Variants in CHRM5 observed in about 807,000 individuals in gnomAD.
The protein encoded by CHRM5 is muscarinic acetylcholine receptor M5.
CHRM5 carries 18 observed loss-of-function variants against 39.0 expected under a neutral mutation model. The observed-to-expected ratio is 0.46, with a 90% CI of 0.32 to 0.68. The LOEUF (loss-of-function observed/expected upper bound fraction) is 0.68, where lower values mean the gene tolerates loss of function less well. Among genes scored for constraint, CHRM5 ranks in the 30% least tolerant of loss-of-function variants. The pLI is 0.04. For synonymous variants in CHRM5, 241 were observed against 246.3 expected (o/e 0.98, Z 0.20); for missense variants, 515 against 651.1 (o/e 0.79, Z 2.28).
intron 1 of CHRM5, among the ~76,000 whole-genome samples, chr15:34,015,688 A>G (rs1567468415): frequency 6.6e-6 from 1 of 152,298 alleles, no homozygotes; most frequent in African/African-American, 2.4e-5. Context: ...AAAAGTGGGT[A>G]GAGAGACTCT....
At chr15:33,989,567 C>T (rs1347416251) in intron 1 of CHRM5, among the ~76,000 whole-genome samples, 1 of 152,108 alleles carries the variant, frequency 6.6e-6, no homozygotes, top group Non-Finnish European at 1.5e-5. Context: ...AGGCACACTA[C>T]TGAAAAGATG....
In CHRM5 at chr15:34,017,484, G is replaced by GTTT. The variant is rs60119659; in HGVS notation, c.-407-29042_-407-29040dup. Among the ~76,000 whole-genome samples the GTTT allele has an allele frequency of 5.9e-3, 628 of 107,326 alleles. 18 individuals are homozygous for GTTT. The highest frequency in any genetic ancestry group is 0.018 in the African/African-American group (564 of 31,688). The allele number at this position is 107,326 out of a possible 152,430, so 70.4% of individuals were successfully genotyped here. A position where few individuals can be genotyped will look rare whatever the true frequency, so the allele number is the denominator to read the frequency against. On this transcript the variant is annotated intron_variant, in intron 1 of 2. Coordinates refer to ENST00000383263, the MANE Select transcript of CHRM5 (RefSeq NM_012125.4). The stretch of plus-strand genomic sequence containing the variant: ...GTGATTTCAGTATGATTTTTTTTTT[G>GTTT]TTTTTTTTTTTTTTTTGAGACAGGG...
rs571673063 is a variant in CHRM5, at chr15:34,061,742, G to A, written c.-75-901G>A. ...GCAAATAGTTCAGGAACAGAGAGAAGGTCCTTATCTTCAGCAGCTGGGGCA... is the reference window on the plus strand; with the variant it reads ...GCAAATAGTTCAGGAACAGAGAGAAAGTCCTTATCTTCAGCAGCTGGGGCA... On this transcript the variant is annotated intron_variant, in intron 2 of 2. Coordinates refer to ENST00000383263, the MANE Select transcript of CHRM5 (RefSeq NM_012125.4). Among the ~76,000 whole-genome samples the A allele has an allele frequency of 2.1e-3, 326 of 152,244 alleles. 1 individual carries two copies. Among genetic ancestry groups the A allele is most frequent in the African/African-American group, 7.4e-3 (307 of 41,544 alleles).
chr15:34,016,662 T>C (rs1159015628), intron 1 of CHRM5, among the ~76,000 whole-genome samples: 1 of 152,232 alleles, frequency 6.6e-6, no homozygotes, highest in East Asian at 1.9e-4. Context: ...CCTGCTTGTA[T>C]GCTATGGAGT....
At chr15:34,003,871 C>A (rs996997157) in intron 1 of CHRM5, among the ~76,000 whole-genome samples, 2 of 152,124 alleles carry the variant, frequency 1.3e-5, no homozygotes, top group African/African-American at 4.8e-5. Flanking sequence ...CATGTTATGA[C>A]CAGAACCATC....
chr15:34,016,615 C>G (rs1897924673), intron 1 of CHRM5, among the ~76,000 whole-genome samples: 1 of 152,160 alleles, frequency 6.6e-6, no homozygotes, highest in Non-Finnish European at 1.5e-5. Context: ...ATCCAGTCAA[C>G]AAACTTTTCT....
At chr15:33,983,427 G>C (rs1333433452) in intron 1 of CHRM5, among the ~76,000 whole-genome samples, 1 of 151,776 alleles carries the variant, frequency 6.6e-6, no homozygotes, top group African/African-American at 2.4e-5. Context: ...TGACAGAAGG[G>C]TCAATGACAC....
intron 1 of CHRM5, among the ~76,000 whole-genome samples, chr15:33,978,921 G>A (rs868669344): frequency 1.3e-5 from 1 of 79,120 alleles, no homozygotes; most frequent in Non-Finnish European, 3.6e-5. Context: ...AGAGATGTAT[G>A]TCCATGCCAG....
At chr15:33,994,310 C>T (rs1482832325) in intron 1 of CHRM5, among the ~76,000 whole-genome samples, 1 of 152,224 alleles carries the variant, frequency 6.6e-6, no homozygotes, top group Non-Finnish European at 1.5e-5. Flanking sequence ...TTATGAGAAT[C>T]TAAGGCCTGA....
intron 1 of CHRM5, among the ~76,000 whole-genome samples, chr15:33,978,180 T>C (rs540050615): frequency 1.3e-5 from 2 of 152,270 alleles, no homozygotes; most frequent in East Asian, 1.9e-4. Context: ...AATTTCTCTC[T>C]AGGCAGAACC....
intron 2 of CHRM5, among the ~76,000 whole-genome samples, chr15:34,056,496 T>G (rs1325609318): frequency 1.3e-5 from 2 of 152,246 alleles, no homozygotes; most frequent in African/African-American, 2.4e-5. Context: ...CTGCAGAACC[T>G]CCCAGCTTTC....
chr15:34,044,170 A>G (rs1899595455), intron 1 of CHRM5, among the ~76,000 whole-genome samples: 1 of 151,688 alleles, frequency 6.6e-6, no homozygotes, highest in Non-Finnish European at 1.5e-5. Context: ...TTTTTATAGC[A>G]AAGTTCCTCA....
rs1023302435 is a variant in CHRM5 at position 34,011,220 on chromosome 15, C to T, written c.-407-35320C>T. Among the ~76,000 whole-genome samples the T allele has an allele frequency of 4.0e-5, 6 of 150,548 alleles. No homozygotes were observed. In the East Asian group the frequency reaches 7.8e-4, roughly 20 times the overall value. On this transcript the variant is annotated intron_variant, in intron 1 of 2. Transcript: ENST00000383263. The stretch of plus-strand genomic sequence containing the variant: ...AAAAACTTTGTTTACTAGGCCTATA[C>T]GAAAAAGGAAAAAAAGGCAGGGGGA...
Position 33,980,915 on chromosome 15 carries a change from T to C in CHRM5, c.-408+11765T>C, listed in dbSNP as rs539134528. 4.6e-5 allele frequency among the ~76,000 whole-genome samples: 7 copies of C among 152,150 alleles called. No individual in the cohort carries two copies. In the East Asian group the frequency reaches 1.2e-3, roughly 25 times the overall value. On this transcript the variant is annotated intron_variant, in intron 1 of 2. Transcript: ENST00000383263. ...TAGCCTGCCCTAAAAATCGTATCAC[T>C]AGAGCCTCCAATCAGAACTTAAAAA...
chr15:34,064,497 G>A lies in CHRM5; in HGVS notation c.*181G>A, dbSNP rs780121478. On this transcript the variant is annotated 3_prime_UTR_variant, in exon 3 of 3. Transcript: ENST00000383263. ...AGGGGCCATAGCTGCAGCAATTGCTGACATATTAAATGACTCTTGCCTATG... is the reference window on the plus strand; with the variant it reads ...AGGGGCCATAGCTGCAGCAATTGCTAACATATTAAATGACTCTTGCCTATG... 1 of 711,612 alleles carries A rather than the reference G, an allele frequency of 1.4e-6. No individual in the cohort carries two copies. The highest frequency in any genetic ancestry group is 2.3e-6 in the Non-Finnish European group (1 of 429,288). The allele number at this position is 711,612 out of a possible 1,614,324, so 44.1% of individuals were successfully genotyped here. A position where few individuals can be genotyped will look rare whatever the true frequency, so the allele number is the denominator to read the frequency against.
At chr15:34,030,337 TG>T (rs1898717357) in intron 1 of CHRM5, among the ~76,000 whole-genome samples, 2 of 152,142 alleles carry the variant, frequency 1.3e-5, no homozygotes, top group African/African-American at 4.8e-5. Context: ...TACTAGGTTT[TG>T]GGGGGTTTTT....
intron 1 of CHRM5, among the ~76,000 whole-genome samples, chr15:33,996,489 G>T (rs1028716420): frequency 6.6e-5 from 10 of 152,190 alleles, no homozygotes; most frequent in African/African-American, 2.4e-4. Context: ...CCAGAGGAAG[G>T]ATCAGGCAGC....
chr15:34,057,193 G>A lies in CHRM5; in HGVS notation c.-75-5450G>A, dbSNP rs768134628. Among the ~76,000 whole-genome samples, 10 of 150,188 alleles carry A rather than the reference G, an allele frequency of 6.7e-5. No individual in the cohort carries two copies. The East Asian group carries it at 1.4e-3, about 21-fold the overall frequency. ...TGTGTCACCAGGCTGGAGTGCAGTCGCATGATCTTGGCTCACTGCAGCAAC... is the reference window on the plus strand; with the variant it reads ...TGTGTCACCAGGCTGGAGTGCAGTCACATGATCTTGGCTCACTGCAGCAAC... On this transcript the variant is annotated intron_variant, in intron 2 of 2. Coordinates refer to ENST00000383263, the MANE Select transcript of CHRM5 (RefSeq NM_012125.4).
In CHRM5 at chr15:34,058,597, C is replaced by G. The variant is rs141840422; in HGVS notation, c.-75-4046C>G. ...ACACACACACACACACACACACAGC[C>G]TGAAGTAACCTGATGTTAACTAACC... On this transcript the variant is annotated intron_variant, in intron 2 of 2. Transcript: ENST00000383263. Among the ~76,000 whole-genome samples the G allele has an allele frequency of 4.4e-3, 660 of 150,488 alleles. 4 individuals carry two copies. The highest frequency in any genetic ancestry group is 0.015 in the African/African-American group (633 of 40,968).
Sources: allele counts gnomAD v4.1 joint callset (sites outside exome capture counted in the v4.1 genomes callset), GRCh38; gene constraint gnomAD v4.1.1; transcripts MANE v1.5; gene names NCBI Gene and HGNC (gene_info 2026-07-23, HGNC 2026-07-21).